The following CENPU variants were observed in gnomAD, a reference collection of about 807,000 sequenced individuals.
The protein encoded by CENPU is KSHV latent nuclear antigen interacting protein 1.
Under a neutral mutation model 56.7 loss-of-function variants are expected in CENPU, and 46 were observed. That is an observed-to-expected ratio of 0.81 (90% CI 0.64 to 1.04). CENPU has a LOEUF of 1.04. Among genes scored for constraint, CENPU ranks in the 50% least tolerant of loss-of-function variants. The pLI is 0.00. For missense variants in CENPU, 510 were observed against 490.1 expected, an observed-to-expected ratio of 1.04 and a Z score of -0.38; for synonymous variants, 166 against 163.0, an observed-to-expected ratio of 1.02 and a Z score of -0.14.
chr4:184,713,339 A>G (rs1306771865), intron 6 of CENPU, among the ~76,000 whole-genome samples: 1 of 152,224 alleles, frequency 6.6e-6, no homozygotes, highest in East Asian at 1.9e-4. Flanking sequence ...GGTTGCAGTG[A>G]GCTGAGATTG....
intron 12 of CENPU, among the ~76,000 whole-genome samples, chr4:184,695,891 ATTAT>A (rs1389523715): frequency 1.3e-5 from 2 of 152,258 alleles, no homozygotes; most frequent in African/African-American, 4.8e-5. Flanking sequence ...ATCTCAAGAA[ATTAT>A]TTATTGGGAG....
intron 8 of CENPU, among the ~76,000 whole-genome samples, chr4:184,706,263 G>A (rs922526634): frequency 1.3e-5 from 2 of 152,122 alleles, no homozygotes; most frequent in African/African-American, 4.8e-5. Flanking sequence ...CAACTACTCT[G>A]GAGGCTGAGA....
At position 184,722,624 on chromosome 4, in the gene CENPU, C is replaced by G. The variant is rs372232256; in HGVS notation, c.320+2333G>C. ...ATCGCTGCATCTAAATAAAACTGAACATTTTCTATGTTGAAAAAAAAAACC... is the reference window on the plus strand; with the variant it reads ...ATCGCTGCATCTAAATAAAACTGAAGATTTTCTATGTTGAAAAAAAAAACC... On this transcript the variant is annotated intron_variant, in intron 4 of 12. Coordinates refer to ENST00000281453, the MANE Select transcript of CENPU (RefSeq NM_024629.4). Among the ~76,000 whole-genome samples, 452 of 150,490 alleles carry G rather than the reference C, an allele frequency of 3.0e-3. 4 individuals are homozygous for G. The highest frequency in any genetic ancestry group is 0.01 in the African/African-American group (429 of 41,086).
chr4:184,725,931 C>A (rs1761434985), intron 3 of CENPU, among the ~76,000 whole-genome samples: 1 of 152,120 alleles, frequency 6.6e-6, no homozygotes. Context: ...GGACTTAACG[C>A]AGGGGTAGAG....
intron 4 of CENPU, among the ~76,000 whole-genome samples, chr4:184,719,499 G>A (rs1761202823): frequency 6.6e-6 from 1 of 152,216 alleles, no homozygotes; most frequent in Non-Finnish European, 1.5e-5. Flanking sequence ...AGCAGCAGGA[G>A]CTTGAGCTCT....
intron 6 of CENPU, among the ~76,000 whole-genome samples, chr4:184,714,979 A>AGT (rs1761041424): frequency 6.6e-6 from 1 of 152,240 alleles, no homozygotes; most frequent in Non-Finnish European, 1.5e-5. Context: ...ACAGAACACA[A>AGT]GTGCACATGG....
In CENPU at chr4:184,694,359, C is replaced by G. The variant is rs1184475018; in HGVS notation, c.*929G>C. 7.1e-7 allele frequency: 1 copy of G among 1,404,138 alleles called. No homozygotes were observed. The highest frequency in any genetic ancestry group is 1.4e-5 in the African/African-American group (1 of 69,298). 87.0% of individuals were successfully genotyped at this position (1,404,138 alleles called of 1,614,324 possible). On this transcript the variant is annotated 3_prime_UTR_variant, in exon 13 of 13. Coordinates refer to ENST00000281453, the MANE Select transcript of CENPU (RefSeq NM_024629.4). ...GTGCAGCAACGTTTGAATCAGTGCA[C>G]TCATTCCCACGGTGAGATATCGGAG...
rs764833515 is a variant in CENPU at position 184,716,655 on chromosome 4, A to C, written c.382-22T>G. The C allele has an allele frequency of 2.6e-6, 4 of 1,536,386 alleles. No individual in the cohort carries two copies. The African/African-American group carries it at 4.1e-5, about 16-fold the overall frequency. ...CTGGCTGTGTGAAAGAAAAAACAGC[A>C]GTACTTATGTAGAAAATAGAAATGC... On this transcript the variant is annotated intron_variant, in intron 5 of 12. Transcript: ENST00000281453.
At chr4:184,717,915 T>G (rs781367543) in intron 4 of CENPU, among the ~76,000 whole-genome samples, 2 of 152,174 alleles carry the variant, frequency 1.3e-5, no homozygotes, top group Non-Finnish European at 2.9e-5. Flanking sequence ...GAAAAGTTAA[T>G]GTAAAAGCCT....
rs1331332955 is a variant in CENPU, at chr4:184,694,222, C to CTTGT, written c.*1062_*1065dup. ...GATTTGTCTTCAGCTGGACTGTCCA[C>CTTGT]TTGTTAAAAAATTAAATCCACCCTT... On this transcript the variant is annotated 3_prime_UTR_variant, in exon 13 of 13. Transcript: ENST00000281453. The CTTGT allele has an allele frequency of 1.1e-5, 12 of 1,092,182 alleles. No homozygotes were observed. Among genetic ancestry groups the CTTGT allele is most frequent in the African/African-American group, 1.6e-5 (1 of 61,528 alleles). 67.7% of individuals were successfully genotyped at this position (1,092,182 alleles called of 1,614,324 possible).
In CENPU at chr4:184,694,914, C is replaced by T. The variant is rs1337058663; in HGVS notation, c.*374G>A. Reference sequence around the variant, plus strand: ...GCTTTCCAATTTTTGTTTTTTACTTCTGTAAACCAATTTCATTAAAAATTA... The same window carrying T: ...GCTTTCCAATTTTTGTTTTTTACTTTTGTAAACCAATTTCATTAAAAATTA... On this transcript the variant is annotated 3_prime_UTR_variant, in exon 13 of 13. Transcript: ENST00000281453. The T allele has an allele frequency of 1.4e-6, 1 of 708,288 alleles. No homozygotes were observed. 43.9% of individuals were successfully genotyped at this position (708,288 alleles called of 1,614,324 possible).
Position 184,695,048 on chromosome 4 carries a change from T to C in CENPU, c.*240A>G, listed in dbSNP as rs1006351271. On this transcript the variant is annotated 3_prime_UTR_variant, in exon 13 of 13. Transcript: ENST00000281453. ...AGCTCATACCTGGGACCGATTAAGG[T>C]GTCAACATTTTAAAATTACTCAAGA... 5.6e-5 allele frequency: 30 copies of C among 533,670 alleles called. No homozygotes were observed. Among genetic ancestry groups the C allele is most frequent in the East Asian group, 2.7e-4 (9 of 32,766 alleles). 33.1% of individuals were successfully genotyped at this position (533,670 alleles called of 1,614,324 possible). A position where few individuals can be genotyped will look rare whatever the true frequency, so the allele number is the denominator to read the frequency against.
At chr4:184,732,959 C>G (rs575267846) in intron 1 of CENPU, among the ~76,000 whole-genome samples, 1 of 141,518 alleles carries the variant, frequency 7.1e-6, no homozygotes, top group South Asian at 2.2e-4. Context: ...GCACTCCAGC[C>G]TGGGCCACAG....
rs73874422 is a variant in CENPU, at chr4:184,716,509, G to T, written c.506C>A (p.Ala169Glu). 2 of 1,614,088 alleles carry T rather than the reference G, an allele frequency of 1.2e-6. No homozygotes were observed. The highest frequency in any genetic ancestry group is 1.7e-6 in the Non-Finnish European group (2 of 1,179,976). ...TQRHEVIRTT[A>E]SSELSEKPAE... ...TGGTTTCTCTGAAAGTTCTGAAGAC[G>T]CTGTGGTTCGAATAACCTCATGACG... is the stretch of plus-strand genomic sequence containing the variant. Residue 169 changes from alanine to glutamate, a missense_variant, in exon 6 of 13, where the codon GCG becomes GAG. Ala to Glu is a moderately radical substitution (Grantham distance 107). Transcript: ENST00000281453.
At chr4:184,708,589 AAG>A (rs1215201858) in intron 8 of CENPU, among the ~76,000 whole-genome samples, 32 of 152,156 alleles carry the variant, frequency 2.1e-4, no homozygotes, top group African/African-American at 6.0e-4. Context: ...TCAAAGAAAT[AAG>A]AATTAGATAG....
intron 4 of CENPU, among the ~76,000 whole-genome samples, chr4:184,724,442 T>C (rs991822849): frequency 2.0e-5 from 3 of 152,252 alleles, no homozygotes; most frequent in Non-Finnish European, 4.4e-5. Flanking sequence ...TTATATAACT[T>C]GCTCCCAAGT....
At chr4:184,726,543 T>C (rs1365285134) in intron 3 of CENPU, among the ~76,000 whole-genome samples, 1 of 152,180 alleles carries the variant, frequency 6.6e-6, no homozygotes, top group African/African-American at 2.4e-5. Context: ...CCTTGGGCCC[T>C]GCTGGTGGGA....
At chr4:184,719,002 G>A (rs2150221351) in intron 4 of CENPU, among the ~76,000 whole-genome samples, 1 of 152,244 alleles carries the variant, frequency 6.6e-6, no homozygotes. Context: ...GCGTGAACTG[G>A]GGTTGGATGG....
At chr4:184,730,038 T>C (rs2150232259) in intron 2 of CENPU, among the ~76,000 whole-genome samples, 1 of 152,326 alleles carries the variant, frequency 6.6e-6, no homozygotes, top group East Asian at 1.9e-4. Context: ...TGGAGAGAGC[T>C]GGCAGGTCTT....
Sources: gnomAD v4.1 joint callset for allele counts (sites outside exome capture counted in the v4.1 genomes callset) on GRCh38, gnomAD v4.1.1 for gene constraint, MANE v1.5 for transcripts, NCBI Gene and HGNC (gene_info 2026-07-23, HGNC 2026-07-21) for gene names.